The following ZNF704 variants were observed in gnomAD, a reference collection of about 807,000 sequenced individuals.
ZNF704 encodes the protein zinc finger protein 704, also known as glucocorticoid induced gene 1.
Under a neutral mutation model 44.7 loss-of-function variants are expected in ZNF704, and 10 were observed. The ratio of observed to expected loss-of-function variants is 0.22; its 90% CI spans 0.14 to 0.38. ZNF704 has a LOEUF of 0.38. ZNF704 is among the 10% of genes least tolerant of loss of function. The probability of loss-of-function intolerance (pLI) is 1.00; values close to 1 mark genes in which losing one functional copy is unlikely to be tolerated. For missense variants in ZNF704, 390 were observed against 545.5 expected (o/e 0.71, Z 2.84); for synonymous variants, 211 against 207.6 (o/e 1.02, Z -0.14).
In ZNF704 at chr8:80,631,216, G is replaced by A. The variant is rs2131578451; in HGVS notation, c.*10150C>T. The A allele has an allele frequency of 6.6e-6, 1 of 152,186 alleles. No individual in the cohort carries two copies. The highest frequency in any genetic ancestry group is 2.1e-4 in the South Asian group (1 of 4,816). 9.4% of individuals were successfully genotyped at this position (152,186 alleles called of 1,614,324 possible). ...TTGCTCCTCAACCTTTTTTGGGAAA[G>A]TATGGGTAGTTTATCATGAAACTCC... On this transcript the variant is annotated 3_prime_UTR_variant, in exon 9 of 9. Coordinates refer to ENST00000327835, the MANE Select transcript of ZNF704 (RefSeq NM_001033723.3).
chr8:80,688,830 G>A (rs1818583932), intron 3 of ZNF704, among the ~76,000 whole-genome samples: 1 of 152,016 alleles, frequency 6.6e-6, no homozygotes. Flanking sequence ...ATGGTGGTGC[G>A]TGCCTGTAAT....
intron 2 of ZNF704, among the ~76,000 whole-genome samples, chr8:80,762,679 G>A (rs771069609): frequency 3.3e-5 from 5 of 152,042 alleles, no homozygotes; most frequent in East Asian, 1.9e-4. Context: ...CAAATCTCAC[G>A]TCCCTTATAC....
At chr8:80,812,023 C>T (rs1046139163) in intron 2 of ZNF704, 6 of 152,466 alleles carry the variant, frequency 3.9e-5, no homozygotes, top group Non-Finnish European at 8.8e-5. Flanking sequence ...AAACCATACC[C>T]CACCCACCAT....
chr8:80,641,828 A>T (rs1329602184), intron 8 of ZNF704, among the ~76,000 whole-genome samples: 1 of 152,192 alleles, frequency 6.6e-6, no homozygotes, highest in Non-Finnish European at 1.5e-5. Flanking sequence ...GCTGCACTCC[A>T]GCCTGGGAGA....
At chr8:80,821,083 T>C (rs1035714634) in intron 2 of ZNF704, among the ~76,000 whole-genome samples, 4 of 152,222 alleles carry the variant, frequency 2.6e-5, no homozygotes, top group Non-Finnish European at 5.9e-5. Flanking sequence ...CTATATGATG[T>C]TTCATCCTAA....
chr8:80,798,655 C>A (rs1356847299), intron 2 of ZNF704, among the ~76,000 whole-genome samples: 1 of 152,172 alleles, frequency 6.6e-6, no homozygotes, highest in African/African-American at 2.4e-5. Context: ...AAGCCTTCAC[C>A]AGAATCTAGG....
chr8:80,815,803 A>G (rs1808167882), intron 2 of ZNF704, among the ~76,000 whole-genome samples: 2 of 152,202 alleles, frequency 1.3e-5, no homozygotes, highest in South Asian at 4.1e-4. Context: ...AATTTTTTGG[A>G]AGCCTCATGG....
At chr8:80,853,563 A>G (rs1808907234) in intron 1 of ZNF704, among the ~76,000 whole-genome samples, 1 of 152,150 alleles carries the variant, frequency 6.6e-6, no homozygotes, top group African/African-American at 2.4e-5. Flanking sequence ...AAAAAAATTA[A>G]AAAAAAGACA....
intron 2 of ZNF704, among the ~76,000 whole-genome samples, chr8:80,742,642 C>G (rs1028746089): frequency 1.3e-5 from 2 of 152,118 alleles, no homozygotes; most frequent in East Asian, 3.9e-4. Flanking sequence ...AACTACAAAT[C>G]GTTCTTCAAA....
chr8:80,806,503 C>T (rs1341526755), intron 2 of ZNF704, among the ~76,000 whole-genome samples: 1 of 151,960 alleles, frequency 6.6e-6, no homozygotes, highest in African/African-American at 2.4e-5. Context: ...GTGGACAATC[C>T]GAATTCATGT....
At chr8:80,771,737 T>C (rs1807323680) in intron 2 of ZNF704, among the ~76,000 whole-genome samples, 1 of 152,198 alleles carries the variant, frequency 6.6e-6, no homozygotes, top group African/African-American at 2.4e-5. Context: ...TCCAGCAATA[T>C]GTTGAATGAC....
chr8:80,808,282 G>GT (rs914457673), intron 2 of ZNF704, among the ~76,000 whole-genome samples: 2 of 152,130 alleles, frequency 1.3e-5, no homozygotes, highest in East Asian at 1.9e-4. Context: ...TAGAAAGATT[G>GT]TTTTTTTCAG....
At chr8:80,880,680 A>G in the ZNF704 span, among the ~76,000 whole-genome samples, 14 of 152,236 alleles carry the variant, frequency 9.2e-5, no homozygotes. Flanking sequence ...ATGCATGAAT[A>G]TTTTTATAAC....
intron 1 of ZNF704, among the ~76,000 whole-genome samples, chr8:80,831,820 G>A (rs1316077879): frequency 6.6e-6 from 1 of 152,224 alleles, no homozygotes; most frequent in Non-Finnish European, 1.5e-5. Flanking sequence ...TCCTGTAGGA[G>A]AGAGACCTAA....
intron 2 of ZNF704, among the ~76,000 whole-genome samples, chr8:80,746,009 T>C (rs1428942672): frequency 6.6e-6 from 1 of 152,238 alleles, no homozygotes; most frequent in Admixed American, 6.5e-5. Flanking sequence ...TCAGACTTTC[T>C]CATGATTGTT....
chr8:80,866,893 C>A (rs1017539813), intron 1 of ZNF704, among the ~76,000 whole-genome samples: 2 of 152,120 alleles, frequency 1.3e-5, no homozygotes, highest in Non-Finnish European at 2.9e-5. Context: ...TACAGGTGCA[C>A]CAGGCCTGGC....
At chr8:80,711,873 C>T (rs775829075) in intron 2 of ZNF704, among the ~76,000 whole-genome samples, 1 of 152,140 alleles carries the variant, frequency 6.6e-6, no homozygotes. Context: ...CTGTCTCTAT[C>T]GATGCATAAC....
intron 1 of ZNF704, among the ~76,000 whole-genome samples, chr8:80,823,126 G>A (rs1241350572): frequency 6.6e-6 from 1 of 152,150 alleles, no homozygotes; most frequent in Non-Finnish European, 1.5e-5. Flanking sequence ...GTGGGGCATC[G>A]CCTCATCCGG....
At chr8:80,663,636 G>A (rs1373425617) in intron 6 of ZNF704, among the ~76,000 whole-genome samples, 6 of 152,142 alleles carry the variant, frequency 3.9e-5, no homozygotes, top group African/African-American at 1.2e-4. Flanking sequence ...ACTCTAATCT[G>A]AAATGCTTAA....
Sources: allele counts gnomAD v4.1 joint callset (sites outside exome capture counted in the v4.1 genomes callset), GRCh38; gene constraint gnomAD v4.1.1; transcripts MANE v1.5; gene names NCBI Gene and HGNC (gene_info 2026-07-23, HGNC 2026-07-21).